Variants in BPTF observed in about 807,000 individuals in gnomAD.
BPTF encodes nucleosome-remodeling factor subunit BPTF.
A neutral mutation model predicts 292.5 loss-of-function variants in BPTF; 18 were observed. That is an observed-to-expected ratio of 0.06 (90% confidence interval 0.04 to 0.09). BPTF has a LOEUF of 0.09. Among genes scored for constraint, BPTF ranks in the 10% least tolerant of loss-of-function variants. The pLI, the probability that BPTF is intolerant of heterozygous loss-of-function variation, is 1.00. For missense variants in BPTF, 2,726 were observed against 3,498.7 expected (o/e 0.78, Z 5.57); for synonymous variants, 1,225 against 1,251.9 (o/e 0.98, Z 0.45).
intron 13 of BPTF, 73 bp downstream of exon 13, chr17:67,920,216 A>AT (rs1237834028): frequency 4.0e-6 from 6 of 1,508,956 alleles, no homozygotes; most frequent in Non-Finnish European, 5.4e-6. Flanking sequence ...ATTTGATATA[A>AT]TTTTTTCTTC....
intron 1 of BPTF, among the ~76,000 whole-genome samples, chr17:67,831,060 G>A (rs1396142600): frequency 2.0e-5 from 3 of 152,144 alleles, no homozygotes; most frequent in Non-Finnish European, 4.4e-5. Flanking sequence ...TGGGATGATC[G>A]GAAGATCTTG....
chr17:67,845,798 A>G lies in BPTF; in HGVS notation c.614-8142A>G, dbSNP rs577732952. Among the ~76,000 whole-genome samples, 25 of 149,514 alleles carry G rather than the reference A, an allele frequency of 1.7e-4. 1 individual carries two copies. Among genetic ancestry groups the G allele is most frequent in the African/African-American group, 5.1e-4 (21 of 41,122 alleles). On this transcript the variant is annotated intron_variant, in intron 1 of 27. Transcript: ENST00000306378. ...AAAATATATATATTTTATTTTATAT[A>G]TATTTATAACTATGTATTTATATAA...
intron 18 of BPTF, among the ~76,000 whole-genome samples, chr17:67,938,542 C>T (rs1419345792): frequency 2.0e-5 from 3 of 152,118 alleles, no homozygotes; most frequent in Non-Finnish European, 4.4e-5. Context: ...GTTACAGAGG[C>T]ATTATATGTG....
chr17:67,839,176 CA>C (rs1432656468), intron 1 of BPTF, among the ~76,000 whole-genome samples: 1 of 151,152 alleles, frequency 6.6e-6, no homozygotes, highest in African/African-American at 2.5e-5. Context: ...GTACCACCTC[CA>C]AAGCAATGTT....
chr17:67,915,553 A>G (rs1303390991), intron 11 of BPTF, among the ~76,000 whole-genome samples: 2 of 152,046 alleles, frequency 1.3e-5, no homozygotes, highest in East Asian at 3.9e-4. Flanking sequence ...TGCCACCTTC[A>G]TCTCTTTCTG....
chr17:67,964,345 C>T lies in BPTF; in HGVS notation c.8395C>T (p.Leu2799Phe). The T allele has an allele frequency of 6.2e-7, 1 of 1,614,186 alleles. No homozygotes were observed. Among genetic ancestry groups the T allele is most frequent in the Non-Finnish European group, 8.5e-7 (1 of 1,180,036 alleles). Reference sequence around the variant, plus strand: ...GTCAACAGAGGATGCCATGACAGTGCTCACGCCACTAACAGAGAAGGATTA... The same window carrying T: ...GTCAACAGAGGATGCCATGACAGTGTTCACGCCACTAACAGAGAAGGATTA... ...CQSTEDAMTV[L>F]TPLTEKDYEG... The change falls in exon 25 of 28, where the codon CTC becomes TTC. Residue 2799 changes from leucine (L) to phenylalanine (F), a missense_variant. By Grantham distance (22) the Leu-to-Phe change is conservative. This residue lies in a region of BPTF where 48 missense variants were observed against 114.2 expected (regional missense o/e 0.42). Transcript: ENST00000306378.
In BPTF at chr17:67,918,747, A is replaced by C. The variant is rs1364239120; in HGVS notation, c.5337A>C (p.Gly1779=). 1 of 1,613,620 alleles carries C rather than the reference A, an allele frequency of 6.2e-7. No individual in the cohort carries two copies. Among genetic ancestry groups the C allele is most frequent in the African/African-American group, 1.3e-5 (1 of 74,890 alleles). ...YRLQTVKSLA[G]VSLMLRLLWA... is the part of the protein sequence containing the mutation. ...TTCAGACAGTAAAGTCCTTAGCTGG[A>C]GTGAGCCTGATGTTACGGTTACTGT... The change falls in exon 12 of 28, where the codon GGA becomes GGC. Residue 1779 remains glycine (G), a synonymous_variant. Transcript: ENST00000306378.
At chr17:67,846,328 T>C (rs1490830288) in intron 1 of BPTF, among the ~76,000 whole-genome samples, 1 of 152,204 alleles carries the variant, frequency 6.6e-6, no homozygotes, top group Non-Finnish European at 1.5e-5. Flanking sequence ...GAATGTATTT[T>C]AGCTTTGTGT....
At chr17:67,966,876 C>T (rs1436645893) in intron 26 of BPTF, among the ~76,000 whole-genome samples, 31 of 151,862 alleles carry the variant, frequency 2.0e-4, no homozygotes, top group Admixed American at 1.9e-3. Flanking sequence ...CCGAGACAGG[C>T]GGATCATGAG....
At chr17:67,934,878 A>AG (rs935067519) in intron 18 of BPTF, among the ~76,000 whole-genome samples, 1 of 151,364 alleles carries the variant, frequency 6.6e-6, no homozygotes, top group Non-Finnish European at 1.5e-5. Context: ...CTCAAAAAAA[A>AG]AAAAAAAAAA....
At chr17:67,939,320 G>A (rs2065177538) in intron 18 of BPTF, among the ~76,000 whole-genome samples, 1 of 152,194 alleles carries the variant, frequency 6.6e-6, no homozygotes, top group African/African-American at 2.4e-5. Context: ...AGATATATAT[G>A]TGTATCCACA....
chr17:67,898,510 A>G (rs545272602), intron 7 of BPTF, among the ~76,000 whole-genome samples: 2 of 152,018 alleles, frequency 1.3e-5, no homozygotes, highest in East Asian at 1.9e-4. Flanking sequence ...GGGTCTCCCT[A>G]TGTTACTCAG....
Position 67,942,941 on chromosome 17 carries a change from A to G in BPTF, c.6478-1209A>G, listed in dbSNP as rs952971655. Among the ~76,000 whole-genome samples the G allele has an allele frequency of 1.9e-4, 29 of 152,234 alleles. 1 individual carries two copies. Among genetic ancestry groups the G allele is most frequent in the Non-Finnish European group, 4.0e-4 (27 of 68,040 alleles). On this transcript the variant is annotated intron_variant, in intron 19 of 27. Coordinates refer to ENST00000306378, the MANE Select transcript of BPTF (RefSeq NM_182641.4). ...ACTAAGCTATTTTGTGTAGGGATAC[A>G]GGGCTGCTGCATTGCCTGCCTGGAG...
At position 67,869,801 on chromosome 17, in the gene BPTF, G is replaced by A. The variant is rs183485542; in HGVS notation, c.1660+3114G>A. Among the ~76,000 whole-genome samples the A allele has an allele frequency of 1.3e-4, 18 of 143,136 alleles. No homozygotes were observed. The East Asian group carries it at 3.6e-3, about 29-fold the overall frequency. The allele number at this position is 143,136 out of a possible 152,430, so 93.9% of individuals were successfully genotyped here. A position where few individuals can be genotyped will look rare whatever the true frequency, so the allele number is the denominator to read the frequency against. The stretch of plus-strand genomic sequence containing the variant: ...GATCGAGACCATCCTGGCTAACATG[G>A]TGAAACCCCGTCTCTACTAAAAATA... On this transcript the variant is annotated intron_variant, in intron 3 of 27. Transcript: ENST00000306378.
chr17:67,868,121 C>T (rs1407740722), intron 3 of BPTF, among the ~76,000 whole-genome samples: 1 of 151,940 alleles, frequency 6.6e-6, no homozygotes, highest in African/African-American at 2.4e-5. Flanking sequence ...GGTTATAATT[C>T]AATGTCACCT....
At chr17:67,904,900 T>A (rs1787726374) in intron 9 of BPTF, 60 bp downstream of exon 9, 1 of 1,323,342 alleles carries the variant, frequency 7.6e-7, no homozygotes, top group Non-Finnish European at 1.0e-6. Flanking sequence ...TCTTATAAAT[T>A]TGTAGTATTT....
At chr17:67,981,866 A>C (rs28599618) in intron 27 of BPTF, 1,831 of 133,962 alleles carry the variant, frequency 0.014, 54 homozygotes, top group African/African-American at 0.039. Context: ...AATGTAAATA[A>C]ACACACACAC....
chr17:67,978,306 A>AT (rs374442857), intron 27 of BPTF, among the ~76,000 whole-genome samples: 62,813 of 140,820 alleles, frequency 0.45, 17,494 homozygotes, highest in Non-Finnish European at 0.62. Flanking sequence ...ATATATATAT[A>AT]TATTTTTTTT....
At chr17:67,855,617 C>T (rs192296560) in intron 2 of BPTF, among the ~76,000 whole-genome samples, 4 of 152,170 alleles carry the variant, frequency 2.6e-5, no homozygotes, top group South Asian at 2.1e-4. Context: ...AGCCTGTGGG[C>T]GAGGTCAGGA....
Sources: allele counts gnomAD v4.1 joint callset (sites outside exome capture counted in the v4.1 genomes callset), GRCh38; gene constraint gnomAD v4.1.1; regional missense constraint gnomAD v4.1.1; transcripts MANE v1.5; gene names NCBI Gene and HGNC (gene_info 2026-07-23, HGNC 2026-07-21).